DARS1: variants seen among roughly 807,000 people sequenced by gnomAD.
DARS1 encodes the protein aspartate--tRNA ligase, cytoplasmic.
Under a neutral mutation model 68.8 loss-of-function variants are expected in DARS1, and 51 were observed. That is an observed-to-expected ratio of 0.74 (90% CI 0.59 to 0.94). The LOEUF (loss-of-function observed/expected upper bound fraction) is 0.94. DARS1 is among the 40% of genes least tolerant of loss of function. DARS1 has a pLI of 0.00. For missense variants in DARS1, 607 were observed against 597.3 expected (o/e 1.02, Z -0.17); for synonymous variants, 203 against 190.4 (o/e 1.07, Z -0.55).
chr2:135,939,411 T>C (rs1244326225), intron 5 of DARS1, among the ~76,000 whole-genome samples: 4 of 152,172 alleles, frequency 2.6e-5, no homozygotes, highest in Non-Finnish European at 5.9e-5. Flanking sequence ...GAATGACTAC[T>C]GAGTACATAA....
chr2:135,914,422 G>C, intron 12 of DARS1, 47 bp downstream of exon 12: 1 of 918,476 alleles, frequency 1.1e-6, no homozygotes, highest in Non-Finnish European at 1.8e-6. Context: ...AGTCCCAAGA[G>C]ACATTTCAGA....
chr2:135,920,099 T>C (rs1681083935), intron 10 of DARS1, among the ~76,000 whole-genome samples: 1 of 152,200 alleles, frequency 6.6e-6, no homozygotes, highest in Admixed American at 6.5e-5. Flanking sequence ...ACTACCCTCA[T>C]ACTGTTTCCC....
intron 7 of DARS1, among the ~76,000 whole-genome samples, chr2:135,932,362 G>T (rs1681370586): frequency 6.6e-6 from 1 of 152,092 alleles, no homozygotes; most frequent in South Asian, 2.1e-4. Flanking sequence ...TTTTTAATTT[G>T]GTGCTCCAAT....
At chr2:135,961,183 G>A (rs1250015320) in intron 4 of DARS1, among the ~76,000 whole-genome samples, 1 of 152,200 alleles carries the variant, frequency 6.6e-6, no homozygotes, top group Non-Finnish European at 1.5e-5. Context: ...AGAGAGTGCT[G>A]CTTCAGCAGT....
Position 135,961,451 on chromosome 2 carries a change from C to T in DARS1, c.265G>A (p.Ala89Thr). 1.3e-6 allele frequency: 2 copies of T among 1,566,694 alleles called. No homozygotes were observed. Among genetic ancestry groups the T allele is most frequent in the Non-Finnish European group, 1.8e-6 (2 of 1,136,700 alleles). The change falls in exon 4 of 16, where the codon GCT (alanine) becomes ACT (threonine). Residue 89 changes from alanine to threonine, a missense_variant. By Grantham distance (58) the Ala-to-Thr change is moderately conservative. Transcript: ENST00000264161. ...GCATGGTCTCCCACCGCCACAAGAG[C>T]CTGGACATTAAACTGCTGCTGACGT... The part of the protein sequence containing the change: ...VLRQQQFNVQ[A>T]LVAVGDHASK...
intron 3 of DARS1, among the ~76,000 whole-genome samples, chr2:135,968,283 T>C (rs940557462): frequency 6.6e-6 from 1 of 152,070 alleles, no homozygotes; most frequent in Non-Finnish European, 1.5e-5. Context: ...ATAAAGATAA[T>C]CTACATTGGC....
intron 3 of DARS1, among the ~76,000 whole-genome samples, chr2:135,966,847 C>T (rs949020276): frequency 6.6e-6 from 1 of 152,100 alleles, no homozygotes; most frequent in African/African-American, 2.4e-5. Flanking sequence ...AATTTAAATT[C>T]TTAACACTTA....
chr2:135,963,282 G>C (rs1226564428), intron 3 of DARS1, among the ~76,000 whole-genome samples: 1 of 152,088 alleles, frequency 6.6e-6, no homozygotes, highest in African/African-American at 2.4e-5. Context: ...AATGGAGACG[G>C]TAAGAGTCAT....
intron 3 of DARS1, chr2:135,978,970 AAT>A: frequency 5.2e-6 from 1 of 193,082 alleles, no homozygotes; most frequent in East Asian, 1.1e-4. Flanking sequence ...CTTTTTTTTC[AAT>A]TTTTTTTTTT....
At chr2:135,947,344 G>T (rs1288199342) in intron 4 of DARS1, among the ~76,000 whole-genome samples, 1 of 151,226 alleles carries the variant, frequency 6.6e-6, no homozygotes, top group Non-Finnish European at 1.5e-5. Context: ...GGAGACAGAG[G>T]TTACAGTGAG....
chr2:135,933,108 G>A (rs1176243463), intron 6 of DARS1, among the ~76,000 whole-genome samples: 2 of 152,046 alleles, frequency 1.3e-5, no homozygotes, highest in South Asian at 2.1e-4. Context: ...CCTCATTATT[G>A]GGATATAAGA....
chr2:135,974,247 G>A (rs2104844970), intron 3 of DARS1, among the ~76,000 whole-genome samples: 1 of 152,336 alleles, frequency 6.6e-6, no homozygotes, highest in African/African-American at 2.4e-5. Flanking sequence ...CTCTGCACAT[G>A]TACAGGTCTG....
chr2:135,925,398 T>C (rs574703293), intron 7 of DARS1, among the ~76,000 whole-genome samples: 1 of 152,340 alleles, frequency 6.6e-6, no homozygotes, highest in East Asian at 1.9e-4. Context: ...GGTGTCTTCT[T>C]AGTCTCATTA....
intron 10 of DARS1, among the ~76,000 whole-genome samples, chr2:135,917,342 C>CA (rs1681026722): frequency 6.6e-6 from 1 of 152,120 alleles, no homozygotes; most frequent in Non-Finnish European, 1.5e-5. Context: ...GACTATTGCA[C>CA]ATCCTTTTGT....
Position 135,979,341 on chromosome 2 carries a change from G to C in DARS1, c.150C>G (p.Asp50Glu), listed in dbSNP as rs771802331. Residue 50 changes from aspartate (D) to glutamate (E), a missense_variant, in exon 3 of 16, where the codon GAC becomes GAG. By Grantham distance (45) the Asp-to-Glu change is conservative. Coordinates refer to ENST00000264161, the MANE Select transcript of DARS1 (RefSeq NM_001349.4). ...KPDRVLVRVRDLTIQKADEVV... is the reference protein window; with the variant it reads ...KPDRVLVRVRELTIQKADEVV... Reference sequence around the variant, plus strand: ...CTTCATCAGCTTTTTGTATTGTCAAGTCTCTAACCCGAACCAAAACTCGAT... The same window carrying C: ...CTTCATCAGCTTTTTGTATTGTCAACTCTCTAACCCGAACCAAAACTCGAT... The C allele has an allele frequency of 2.7e-6, 4 of 1,475,650 alleles. No homozygotes were observed. Among genetic ancestry groups the C allele is most frequent in the Non-Finnish European group, 3.8e-6 (4 of 1,053,460 alleles). The allele number at this position is 1,475,650 out of a possible 1,614,324, so 91.4% of individuals were successfully genotyped here. A position where few individuals can be genotyped will look rare whatever the true frequency, so the allele number is the denominator to read the frequency against.
Position 135,943,380 on chromosome 2 carries a change from T to C in DARS1, c.421A>G (p.Lys141Glu), listed in dbSNP as rs1681649980. 2 of 1,609,676 alleles carry C rather than the reference T, an allele frequency of 1.2e-6. No individual in the cohort carries two copies. The highest frequency in any genetic ancestry group is 1.7e-5 in the Admixed American group (1 of 58,880). The part of the protein sequence containing the change: ...TQQDVELHVQ[K>E]IYVISLAEPR... Reference sequence around the variant, plus strand: ...TTTTATATTTTGAAAAAACTTACCTTCTGAACATGTAACTCAACGTCTTGC... The same window carrying C: ...TTTTATATTTTGAAAAAACTTACCTCCTGAACATGTAACTCAACGTCTTGC... The change falls in exon 5 of 16, where the codon AAG (lysine) becomes GAG (glutamate). Residue 141 changes from lysine to glutamate, a missense_variant and splice_region_variant. By Grantham distance (56) the Lys-to-Glu change is moderately conservative (BLOSUM62 1). Coordinates refer to ENST00000264161, the MANE Select transcript of DARS1 (RefSeq NM_001349.4).
intron 3 of DARS1, among the ~76,000 whole-genome samples, chr2:135,964,221 G>T (rs1221167761): frequency 6.6e-6 from 1 of 151,948 alleles, no homozygotes; most frequent in Non-Finnish European, 1.5e-5. Context: ...GATCATATGG[G>T]GAAAAAAACC....
At chr2:135,935,211 G>GCT (rs547866928) in intron 5 of DARS1, among the ~76,000 whole-genome samples, 1 of 152,006 alleles carries the variant, frequency 6.6e-6, no homozygotes, top group East Asian at 1.9e-4. Flanking sequence ...CCCCTTCATT[G>GCT]CTCTCTCTCA....
chr2:135,973,024 A>G (rs1670503752), intron 3 of DARS1, among the ~76,000 whole-genome samples: 1 of 152,226 alleles, frequency 6.6e-6, no homozygotes, highest in Non-Finnish European at 1.5e-5. Flanking sequence ...GGTTCCTCAA[A>G]AAACTAAAAA....
Sources: gnomAD v4.1 joint callset for allele counts (sites outside exome capture counted in the v4.1 genomes callset) on GRCh38, gnomAD v4.1.1 for gene constraint, MANE v1.5 for transcripts, NCBI Gene and HGNC (gene_info 2026-07-23, HGNC 2026-07-21) for gene names.